The following SGCD variants were observed in gnomAD, a reference collection of about 807,000 sequenced individuals.
SGCD encodes the protein sarcoglycan delta.
SGCD carries 18 observed loss-of-function variants against 36.6 expected under a neutral mutation model. The observed-to-expected ratio is 0.49, with a 90% confidence interval of 0.34 to 0.73. SGCD has a LOEUF of 0.73. SGCD is among the 30% of genes least tolerant of loss of function. SGCD has a pLI of 0.01. For missense variants in SGCD, 387 were observed against 346.7 expected, an observed-to-expected ratio of 1.12 and a Z score of -0.92; for synonymous variants, 133 against 130.6, an observed-to-expected ratio of 1.02 and a Z score of -0.12.
intron 3 of SGCD, among the ~76,000 whole-genome samples, chr5:156,361,669 A>G (rs1049743565): frequency 6.6e-6 from 1 of 152,238 alleles, no homozygotes; most frequent in Admixed American, 6.5e-5. Flanking sequence ...TTAAAAGCAT[A>G]TGTAACTTGG....
chr5:156,692,115 A>G (rs754762414), intron 7 of SGCD, among the ~76,000 whole-genome samples: 11 of 152,190 alleles, frequency 7.2e-5, no homozygotes, highest in Non-Finnish European at 1.2e-4. Context: ...ATAAATCCCA[A>G]TTTCCTGAAA....
intron 3 of SGCD, among the ~76,000 whole-genome samples, chr5:156,230,757 C>A (rs1764995757): frequency 6.6e-6 from 1 of 152,172 alleles, no homozygotes; most frequent in East Asian, 1.9e-4. Context: ...CCATCATGAT[C>A]CACCACTATA....
intron 7 of SGCD, among the ~76,000 whole-genome samples, chr5:156,682,836 G>A (rs10071404): frequency 0.022 from 3,399 of 152,226 alleles, 80 homozygotes; most frequent in African/African-American, 0.049. Flanking sequence ...CCGTACCGAA[G>A]GTCTCCAAAG....
intron 1 of SGCD, among the ~76,000 whole-genome samples, chr5:155,989,871 A>G (rs1281757237): frequency 3.3e-5 from 5 of 152,216 alleles, no homozygotes; most frequent in African/African-American, 1.2e-4. Flanking sequence ...ATGCCCTTGC[A>G]TATTTTGCAA....
chr5:156,216,454 T>A (rs1457409262), intron 3 of SGCD, among the ~76,000 whole-genome samples: 3 of 152,224 alleles, frequency 2.0e-5, no homozygotes, highest in African/African-American at 4.8e-5. Context: ...AGTAATAATT[T>A]AAAAAATGAA....
At chr5:156,442,769 G>C (rs1346401653) in intron 3 of SGCD, among the ~76,000 whole-genome samples, 1 of 152,094 alleles carries the variant, frequency 6.6e-6, no homozygotes, top group African/African-American at 2.4e-5. Flanking sequence ...CTTGTATCAG[G>C]TACCATGGAA....
intron 3 of SGCD, among the ~76,000 whole-genome samples, chr5:156,144,927 G>C (rs1308500427): frequency 6.6e-6 from 1 of 152,150 alleles, no homozygotes; most frequent in East Asian, 1.9e-4. Flanking sequence ...TTTGACTTTA[G>C]AGTTAATGCT....
intron 1 of SGCD, among the ~76,000 whole-genome samples, chr5:155,927,194 AGTCAAT>A (rs1757010393): frequency 6.6e-6 from 1 of 152,238 alleles, no homozygotes; most frequent in Non-Finnish European, 1.5e-5. Context: ...TGATTGAATT[AGTCAAT>A]ATAAGTAAAG....
intron 1 of SGCD, among the ~76,000 whole-genome samples, chr5:155,999,299 A>G (rs1561677843): frequency 6.6e-6 from 1 of 152,172 alleles, no homozygotes; most frequent in Non-Finnish European, 1.5e-5. Context: ...ATGTATTTAT[A>G]TGTTTGTTTC....
At chr5:156,400,859 C>T (rs1772110020) in intron 3 of SGCD, among the ~76,000 whole-genome samples, 1 of 152,142 alleles carries the variant, frequency 6.6e-6, no homozygotes, top group Non-Finnish European at 1.5e-5. Context: ...TGATATTGCT[C>T]CAAAAGGCAA....
intron 1 of SGCD, among the ~76,000 whole-genome samples, chr5:156,106,334 T>A (rs939447235): frequency 6.6e-6 from 1 of 152,004 alleles, no homozygotes; most frequent in Non-Finnish European, 1.5e-5. Context: ...TATGTAAAAG[T>A]AGTGAAGGAA....
At chr5:156,086,837 G>T (rs57304745) in intron 1 of SGCD, among the ~76,000 whole-genome samples, 24,898 of 152,156 alleles carry the variant, frequency 0.16, 3,231 homozygotes, top group East Asian at 0.46. Flanking sequence ...TAAAAATAGG[G>T]TATTTGGTTA....
intron 1 of SGCD, among the ~76,000 whole-genome samples, chr5:155,958,889 G>A (rs546822659): frequency 6.6e-6 from 1 of 152,178 alleles, no homozygotes; most frequent in South Asian, 2.1e-4. Context: ...CTGTGTTGAA[G>A]GCAGGCAGTA....
At chr5:156,335,245 T>C (rs947794749) in intron 2 of SGCD, among the ~76,000 whole-genome samples, 1 of 152,234 alleles carries the variant, frequency 6.6e-6, no homozygotes, top group Non-Finnish European at 1.5e-5. Flanking sequence ...TCATCAATGC[T>C]GAAATATCTT....
Position 156,454,780 on chromosome 5 carries a change from G to C in SGCD, c.193-53821G>C, listed in dbSNP as rs60441004. 6.2e-3 allele frequency among the ~76,000 whole-genome samples: 951 copies of C among 152,244 alleles called. 8 individuals carry two copies. The highest frequency in any genetic ancestry group is 0.021 in the East Asian group (107 of 5,170). On this transcript the variant is annotated intron_variant, in intron 3 of 8. Coordinates refer to ENST00000337851, the MANE Select transcript of SGCD (RefSeq NM_000337.6). ...AATGAAGGCTCTGATTTGAGGTCAG[G>C]AGTGCTGGAGCTTGTGATGTGCCTG...
At chr5:156,130,363 C>G (rs1168809171) in intron 3 of SGCD, among the ~76,000 whole-genome samples, 1 of 152,088 alleles carries the variant, frequency 6.6e-6, no homozygotes, top group Non-Finnish European at 1.5e-5. Context: ...ATTTAACTTC[C>G]TTGTAGATGC....
intron 6 of SGCD, among the ~76,000 whole-genome samples, chr5:156,646,482 G>A (rs1252743634): frequency 6.6e-6 from 1 of 152,116 alleles, no homozygotes; most frequent in East Asian, 1.9e-4. Flanking sequence ...CAGAGCTTAA[G>A]ATCTGGATGA....
intron 6 of SGCD, among the ~76,000 whole-genome samples, chr5:156,629,354 A>G (rs914430551): frequency 6.6e-6 from 1 of 152,262 alleles, no homozygotes. Flanking sequence ...GGAGGACCAC[A>G]GAATAATGAG....
intron 3 of SGCD, among the ~76,000 whole-genome samples, chr5:156,134,056 A>T (rs1289700380): frequency 1.3e-5 from 2 of 152,134 alleles, no homozygotes; most frequent in African/African-American, 4.8e-5. Flanking sequence ...CAAATATAAC[A>T]TAGGTTAAAA....
Sources: allele counts gnomAD v4.1 joint callset (sites outside exome capture counted in the v4.1 genomes callset), GRCh38; gene constraint gnomAD v4.1.1; transcripts MANE v1.5; gene names NCBI Gene and HGNC (gene_info 2026-07-23, HGNC 2026-07-21).